Variants in KIF26B observed in about 807,000 individuals in gnomAD.
The protein encoded by KIF26B is kinesin-like protein KIF26B.
A neutral mutation model predicts 151.2 loss-of-function variants in KIF26B; 63 were observed. The observed-to-expected ratio is 0.42, with a 90% confidence interval of 0.34 to 0.51. The LOEUF (loss-of-function observed/expected upper bound fraction) is 0.51. Among genes scored for constraint, KIF26B ranks in the 20% least tolerant of loss-of-function variants. The pLI is 0.07. For missense variants in KIF26B, 2,813 were observed against 2,913.6 expected (o/e 0.97, Z 0.79); for synonymous variants, 1,357 against 1,262.1 (o/e 1.08, Z -1.59).
Position 245,588,065 on chromosome 1 carries a change from C to T in KIF26B, c.1351-14512C>T, listed in dbSNP as rs114939552. Among the ~76,000 whole-genome samples the T allele has an allele frequency of 4.7e-3, 721 of 152,286 alleles. 3 individuals carry two copies. The highest frequency in any genetic ancestry group is 7.8e-3 in the Non-Finnish European group (533 of 68,020). Reference sequence around the variant, plus strand: ...CCAAGCCCCTCGGCTACAGAGGAAACGCTCCCCTCAGCCTCCTCCACAGCC... The same window carrying T: ...CCAAGCCCCTCGGCTACAGAGGAAATGCTCCCCTCAGCCTCCTCCACAGCC... On this transcript the variant is annotated intron_variant, in intron 5 of 14. Transcript: ENST00000407071.
In KIF26B at chr1:245,704,639, A is replaced by C. The variant is rs1194696603; in HGVS notation, c.*2033A>C. The C allele has an allele frequency of 1.3e-5, 2 of 152,248 alleles. No homozygotes were observed. Among genetic ancestry groups the C allele is most frequent in the Non-Finnish European group, 2.9e-5 (2 of 68,106 alleles). 9.4% of individuals were successfully genotyped at this position (152,248 alleles called of 1,614,324 possible). Reference sequence around the variant, plus strand: ...CTTCTGTGTATCTCCCAAGTCTGACAAGTGTGTTGCCCTGGGAAGCAGGAC... The same window carrying C: ...CTTCTGTGTATCTCCCAAGTCTGACCAGTGTGTTGCCCTGGGAAGCAGGAC... On this transcript the variant is annotated 3_prime_UTR_variant, in exon 15 of 15. Coordinates refer to ENST00000407071, the MANE Select transcript of KIF26B (RefSeq NM_018012.4).
intron 5 of KIF26B, among the ~76,000 whole-genome samples, chr1:245,546,966 G>A (rs561165097): frequency 6.6e-6 from 1 of 152,204 alleles, no homozygotes; most frequent in East Asian, 1.9e-4. Context: ...AGAGAAAGGC[G>A]ACTTGGGGAA....
At chr1:245,235,375 C>T (rs1255408616) in intron 2 of KIF26B, among the ~76,000 whole-genome samples, 2 of 151,482 alleles carry the variant, frequency 1.3e-5, no homozygotes, top group South Asian at 2.1e-4. Context: ...GAGGATGGCT[C>T]GAGGCCAGGA....
At chr1:245,649,455 C>T (rs1011632386) in intron 10 of KIF26B, among the ~76,000 whole-genome samples, 2 of 152,154 alleles carry the variant, frequency 1.3e-5, no homozygotes, top group African/African-American at 2.4e-5. Context: ...AGGAAAGCCC[C>T]GATTTCTTTG....
chr1:245,302,988 C>CAAAAAAAAA (rs74163037), intron 2 of KIF26B, among the ~76,000 whole-genome samples: 87 of 35,666 alleles, frequency 2.4e-3, no homozygotes, highest in South Asian at 4.2e-3. Context: ...GACTCTGTCT[C>CAAAAAAAAA]AAAAAAAAAA....
At chr1:245,257,007 A>G (rs1393526066) in intron 2 of KIF26B, among the ~76,000 whole-genome samples, 1 of 152,164 alleles carries the variant, frequency 6.6e-6, no homozygotes, top group Non-Finnish European at 1.5e-5. Context: ...GTCTGATAAG[A>G]AACATTTACC....
chr1:245,275,512 G>A (rs909823490), intron 2 of KIF26B, among the ~76,000 whole-genome samples: 2 of 152,120 alleles, frequency 1.3e-5, no homozygotes, highest in East Asian at 1.9e-4. Flanking sequence ...TGTATAAGAT[G>A]TAAGGAAGGG....
At chr1:245,430,329 T>C (rs1484813802) in intron 4 of KIF26B, among the ~76,000 whole-genome samples, 1 of 152,054 alleles carries the variant, frequency 6.6e-6, no homozygotes, top group Non-Finnish European at 1.5e-5. Context: ...AGTACCGCTA[T>C]AATATGTTTC....
chr1:245,421,590 G>A (rs1346818733), intron 4 of KIF26B, among the ~76,000 whole-genome samples: 2 of 152,112 alleles, frequency 1.3e-5, no homozygotes, highest in Non-Finnish European at 2.9e-5. Context: ...CTTCCGACGT[G>A]CCTTTCTAAC....
chr1:245,448,576 A>G (rs891611007), intron 4 of KIF26B, among the ~76,000 whole-genome samples: 3 of 152,186 alleles, frequency 2.0e-5, no homozygotes, highest in Admixed American at 6.5e-5. Flanking sequence ...CTGGACTAAG[A>G]TAAGGACTAA....
In KIF26B at chr1:245,572,608, T is replaced by C. The variant is rs2043076310; in HGVS notation, c.1351-29969T>C. Among the ~76,000 whole-genome samples, 1 of 152,190 alleles carries C rather than the reference T, an allele frequency of 6.6e-6. No homozygotes were observed. The highest frequency in any genetic ancestry group is 2.4e-5 in the African/African-American group (1 of 41,436). ...GTGAATTTTATCTCATGATTAAAAT[T>C]AAAAATGAAATTTTAAAAATGAAAT... On this transcript the variant is annotated intron_variant, in intron 5 of 14. Transcript: ENST00000407071. The surrounding 1 kb of genome is among the most constrained non-coding windows in gnomAD (Gnocchi z 4.2).
intron 4 of KIF26B, among the ~76,000 whole-genome samples, chr1:245,470,459 C>T (rs979612195): frequency 1.4e-5 from 2 of 143,496 alleles, no homozygotes; most frequent in Admixed American, 1.4e-4. Context: ...GAGATGGAGT[C>T]TCACTCTGTC....
rs1395307107 is a variant in KIF26B, at chr1:245,540,133, A to G, written c.1167-634A>G. 6.6e-6 allele frequency among the ~76,000 whole-genome samples: 1 copy of G among 152,060 alleles called. No individual in the cohort carries two copies. Among genetic ancestry groups the G allele is most frequent in the African/African-American group, 2.4e-5 (1 of 41,408 alleles). On this transcript the variant is annotated intron_variant, in intron 4 of 14. Transcript: ENST00000407071. The surrounding 1 kb of genome is among the most constrained non-coding windows in gnomAD (Gnocchi z 4.6). ...CACTTGACCATGAATTGCATTTTGT[A>G]TTTAAAGACCTCCCTGCACAATATC...
chr1:245,583,744 C>G (rs2043199691), intron 5 of KIF26B, among the ~76,000 whole-genome samples: 1 of 152,106 alleles, frequency 6.6e-6, no homozygotes, highest in Admixed American at 6.5e-5. Context: ...TTCGGTGTGT[C>G]AAAGCTGGAA....
intron 5 of KIF26B, among the ~76,000 whole-genome samples, chr1:245,569,804 C>G (rs1257786883): frequency 6.8e-6 from 1 of 147,648 alleles, no homozygotes; most frequent in East Asian, 2.0e-4. Context: ...ACAAAACAAA[C>G]AAACAAACAC....
At chr1:245,232,503 C>T (rs557691439) in intron 2 of KIF26B, among the ~76,000 whole-genome samples, 1 of 150,508 alleles carries the variant, frequency 6.6e-6, no homozygotes, top group Non-Finnish European at 1.5e-5. Flanking sequence ...TATTTACCTC[C>T]TTTTGTTCCT....
chr1:245,541,107 C>A (rs1661610818), intron 5 of KIF26B, among the ~76,000 whole-genome samples, 157 bp downstream of exon 5: 1 of 152,208 alleles, frequency 6.6e-6, no homozygotes, highest in South Asian at 2.1e-4. Context: ...TGAAAATTGT[C>A]ATGGTTGCAT....
chr1:245,400,803 G>A (rs940631413), intron 3 of KIF26B, among the ~76,000 whole-genome samples: 8 of 151,714 alleles, frequency 5.3e-5, no homozygotes, highest in Non-Finnish European at 1.2e-4. Flanking sequence ...TTTTTGATGT[G>A]GCTACTAGAA....
Position 245,446,393 on chromosome 1 carries a change from A to C in KIF26B, c.1166+26648A>C, listed in dbSNP as rs761769671. ...TGCTTCTATACAAGGAGTTTGGATA[A>C]ATTTCATATAGTGTCAGTCAAAAAA... On this transcript the variant is annotated intron_variant, in intron 4 of 14. Coordinates refer to ENST00000407071, the MANE Select transcript of KIF26B (RefSeq NM_018012.4). 5.9e-5 allele frequency among the ~76,000 whole-genome samples: 9 copies of C among 152,168 alleles called. No homozygotes were observed. The East Asian group carries it at 9.6e-4, about 16-fold the overall frequency.
Sources: gnomAD v4.1 joint callset for allele counts (sites outside exome capture counted in the v4.1 genomes callset) on GRCh38, gnomAD v4.1.1 for gene constraint, Gnocchi (gnomAD v3.1) non-coding constraint, MANE v1.5 for transcripts, NCBI Gene and HGNC (gene_info 2026-07-23, HGNC 2026-07-21) for gene names.